The following GPATCH8 variants were observed in gnomAD, a reference collection of about 807,000 sequenced individuals.
GPATCH8 encodes the protein G-patch domain containing 8, also known as G patch domain-containing protein 8.
In GPATCH8, 18 loss-of-function variants were observed where a neutral mutation model predicts 118.3. The ratio of observed to expected loss-of-function variants is 0.15; its 90% CI spans 0.11 to 0.23. The LOEUF is 0.23. GPATCH8 is among the 10% of genes least tolerant of loss of function. The pLI is 1.00. For synonymous variants in GPATCH8, 659 were observed against 684.7 expected (o/e 0.96, Z 0.59); for missense variants, 1,631 against 1,873.8 (o/e 0.87, Z 2.39).
At chr17:44,411,892 A>C (rs2049447568) in intron 6 of GPATCH8, among the ~76,000 whole-genome samples, 1 of 152,160 alleles carries the variant, frequency 6.6e-6, no homozygotes, top group Non-Finnish European at 1.5e-5. Flanking sequence ...CAGGAGTCCA[A>C]GACCAGTCTG....
At chr17:44,479,405 T>G (rs1968030604) in intron 1 of GPATCH8, among the ~76,000 whole-genome samples, 1 of 152,168 alleles carries the variant, frequency 6.6e-6, no homozygotes, top group African/African-American at 2.4e-5. Flanking sequence ...TCAGATGCAA[T>G]ACAAATCAGG....
intron 1 of GPATCH8, among the ~76,000 whole-genome samples, chr17:44,498,698 A>G (rs968576825): frequency 6.6e-6 from 1 of 152,172 alleles, no homozygotes; most frequent in Non-Finnish European, 1.5e-5. Context: ...ATTTTGTATA[A>G]ATTTCAGTAT....
chr17:44,464,247 A>G (rs1183501083), intron 3 of GPATCH8, among the ~76,000 whole-genome samples: 2 of 152,226 alleles, frequency 1.3e-5, no homozygotes, highest in Non-Finnish European at 2.9e-5. Flanking sequence ...GTTTGACTTG[A>G]AAGTTTCGAT....
intron 1 of GPATCH8, among the ~76,000 whole-genome samples, chr17:44,495,975 C>T (rs570953845): frequency 6.6e-6 from 1 of 152,340 alleles, no homozygotes; most frequent in East Asian, 1.9e-4. Flanking sequence ...TCAAGAGATT[C>T]TCCTGCCCCA....
At chr17:44,495,005 T>A (rs1218384734) in intron 1 of GPATCH8, among the ~76,000 whole-genome samples, 1 of 152,170 alleles carries the variant, frequency 6.6e-6, no homozygotes, top group Non-Finnish European at 1.5e-5. Context: ...TGCAATCCCA[T>A]CCTTCAAGAT....
intron 6 of GPATCH8, among the ~76,000 whole-genome samples, chr17:44,417,647 T>C (rs570894965): frequency 5.3e-5 from 8 of 152,230 alleles, no homozygotes; most frequent in African/African-American, 1.9e-4. Context: ...ATGTGCCAGT[T>C]CCCCAGTATC....
At chr17:44,460,205 C>A (rs544618245) in intron 3 of GPATCH8, among the ~76,000 whole-genome samples, 1 of 152,128 alleles carries the variant, frequency 6.6e-6, no homozygotes, top group African/African-American at 2.4e-5. Flanking sequence ...TTAAACATAT[C>A]CTCTGTTTCT....
At chr17:44,464,998 T>A (rs2051705047) in intron 2 of GPATCH8, 1 of 165,428 alleles carries the variant, frequency 6.0e-6, no homozygotes, top group East Asian at 1.7e-4. Context: ...CAGGCTTTCA[T>A]GATACAAAGT....
intron 1 of GPATCH8, among the ~76,000 whole-genome samples, chr17:44,491,486 CAAAA>C (rs1023934645): frequency 1.0e-4 from 7 of 69,552 alleles, no homozygotes; most frequent in African/African-American, 2.0e-4. Context: ...GACTCCGTCT[CAAAA>C]AAAAAAAAAA....
chr17:44,429,709 CAAAA>C (rs1394571956), intron 5 of GPATCH8, among the ~76,000 whole-genome samples: 10 of 139,428 alleles, frequency 7.2e-5, no homozygotes, highest in African/African-American at 2.3e-4. Context: ...AACAAACAAA[CAAAA>C]ACCAGCTGAG....
intron 3 of GPATCH8, among the ~76,000 whole-genome samples, chr17:44,440,746 C>T (rs951967537): frequency 6.6e-6 from 1 of 152,156 alleles, no homozygotes; most frequent in Non-Finnish European, 1.5e-5. Context: ...GAGAACAATC[C>T]CTCAGGAATC....
chr17:44,402,364 C>T (rs899215572), intron 7 of GPATCH8, among the ~76,000 whole-genome samples: 5 of 150,810 alleles, frequency 3.3e-5, no homozygotes, highest in East Asian at 1.9e-4. Context: ...ACTTATGTCA[C>T]GACTGAAATA....
At chr17:44,460,359 TA>T (rs1040695358) in intron 3 of GPATCH8, among the ~76,000 whole-genome samples, 5 of 152,204 alleles carry the variant, frequency 3.3e-5, no homozygotes, top group African/African-American at 1.2e-4. Context: ...ATAACTTTTT[TA>T]AAATTTCTGA....
At chr17:44,472,495 A>G (rs893989804) in intron 2 of GPATCH8, among the ~76,000 whole-genome samples, 1 of 152,192 alleles carries the variant, frequency 6.6e-6, no homozygotes, top group Non-Finnish European at 1.5e-5. Context: ...GTGGTTTAAA[A>G]AATATTTGTT....
chr17:44,425,665 A>G (rs1384015145), intron 5 of GPATCH8, among the ~76,000 whole-genome samples: 1 of 152,132 alleles, frequency 6.6e-6, no homozygotes, highest in Non-Finnish European at 1.5e-5. Flanking sequence ...AGTATCTTGG[A>G]CTATAGGCGT....
rs1968454669 is a variant in GPATCH8, at chr17:44,483,179, ATAT to A, written c.46-8279_46-8277del. Reference sequence around the variant, plus strand: ...CAAAAAAAAAAAAAAAAAAAAAAATATATATATATATATATATATATATATATA... The same window carrying A: ...CAAAAAAAAAAAAAAAAAAAAAAATAATATATATATATATATATATATATA... On this transcript the variant is annotated intron_variant, in intron 1 of 7. Transcript: ENST00000591680. Among the ~76,000 whole-genome samples the A allele has an allele frequency of 3.2e-3, 63 of 19,992 alleles. 1 individual carries two copies. Among genetic ancestry groups the A allele is most frequent in the African/African-American group, 3.9e-3 (17 of 4,368 alleles). 13.1% of individuals were successfully genotyped at this position (19,992 alleles called of 152,430 possible).
At chr17:44,473,638 A>C (rs1347348660) in intron 2 of GPATCH8, 1 of 152,288 alleles carries the variant, frequency 6.6e-6, no homozygotes, top group Non-Finnish European at 1.5e-5. Flanking sequence ...TGTTCACTGG[A>C]CCAGAAAGAC....
rs1224114957 is a variant in GPATCH8 at position 44,436,631 on chromosome 17, C to G, written c.194-86G>C. 7 of 786,324 alleles carry G rather than the reference C, an allele frequency of 8.9e-6. No homozygotes were observed. The African/African-American group carries it at 1.0e-4, about 11-fold the overall frequency. The allele number at this position is 786,324 out of a possible 1,614,324, so 48.7% of individuals were successfully genotyped here. A position where few individuals can be genotyped will look rare whatever the true frequency, so the allele number is the denominator to read the frequency against. On this transcript the variant is annotated intron_variant, in intron 3 of 7. Coordinates refer to ENST00000591680, the MANE Select transcript of GPATCH8 (RefSeq NM_001002909.4). ...CATTGGGTTTTGGGTGGTTAGAGAT[C>G]TTGCCTTGGAGTGCAGAGACCAGAA...
chr17:44,426,603 C>CA (rs754510329), intron 5 of GPATCH8, among the ~76,000 whole-genome samples: 51,264 of 82,880 alleles, frequency 0.62, 16,279 homozygotes, highest in Middle Eastern at 0.74. Flanking sequence ...GACCTTGTCT[C>CA]AAAAAAAAAA....
Sources: allele counts gnomAD v4.1 joint callset (sites outside exome capture counted in the v4.1 genomes callset), GRCh38; gene constraint gnomAD v4.1.1; transcripts MANE v1.5; gene names NCBI Gene and HGNC (gene_info 2026-07-23, HGNC 2026-07-21).